The following DNAH10 variants were observed in gnomAD, a reference collection of about 807,000 sequenced individuals.
The protein encoded by DNAH10 is axonemal beta dynein heavy chain 10.
In DNAH10, 348 loss-of-function variants were observed where a neutral mutation model predicts 506.6. The observed-to-expected ratio is 0.69, with a 90% CI of 0.63 to 0.75. The LOEUF is 0.75. Ranked by LOEUF, DNAH10 falls within the 30% of genes least tolerant of loss-of-function variation. DNAH10 has a pLI of 0.00. For synonymous variants in DNAH10, 2,059 were observed against 2,198.6 expected (o/e 0.94, Z 1.78); for missense variants, 5,179 against 5,787.1 (o/e 0.89, Z 3.41).
chr12:123,874,813 G>T (rs1195872728), intron 46 of DNAH10, among the ~76,000 whole-genome samples: 2 of 151,888 alleles, frequency 1.3e-5, no homozygotes, highest in East Asian at 3.9e-4. Flanking sequence ...GTGTGGACAG[G>T]CATATCACAC....
At chr12:123,828,267 G>A (rs553078492) in intron 25 of DNAH10, among the ~76,000 whole-genome samples, 4 of 152,106 alleles carry the variant, frequency 2.6e-5, no homozygotes, top group African/African-American at 9.6e-5. Context: ...CCTGGGGAGG[G>A]ACTGAGGACA....
intron 65 of DNAH10, 108 bp from the exon 66 acceptor site, chr12:123,923,655 A>G (rs1954821819): frequency 1.5e-6 from 1 of 680,910 alleles, no homozygotes; most frequent in South Asian, 2.0e-5. Context: ...GCAGCCATAC[A>G]GTTCGAGTGT....
chr12:123,765,656 CATCT>C (rs1272323979), intron 1 of DNAH10, among the ~76,000 whole-genome samples: 1 of 151,722 alleles, frequency 6.6e-6, no homozygotes, highest in African/African-American at 2.4e-5. Context: ...CCTACCTATA[CATCT>C]ATCTCTCTCT....
chr12:123,813,211 G>T lies in DNAH10; in HGVS notation c.3192G>T (p.Gln1064His). The T allele has an allele frequency of 1.2e-6, 2 of 1,613,752 alleles. No individual in the cohort carries two copies. The highest frequency in any genetic ancestry group is 8.5e-7 in the Non-Finnish European group (1 of 1,179,768). Residue 1064 changes from glutamine (Q) to histidine (H), a missense_variant, in exon 20 of 79, where the codon CAG (glutamine) becomes CAT (histidine). Transcript: ENST00000673944. ...MNGSCIECPP[Q>H]KGEEEEVVII... is the part of the protein sequence containing the mutation. ...GCAGCTGCATAGAATGCCCACCTCA[G>T]AAGGGGGAGGAAGAGGAAGTTGTTA...
chr12:123,833,723 A>G (rs1212372817), intron 27 of DNAH10, among the ~76,000 whole-genome samples: 1 of 152,164 alleles, frequency 6.6e-6, no homozygotes, highest in East Asian at 1.9e-4. Context: ...TTTTAAAAAA[A>G]TGTCTGTTGA....
chr12:123,794,030 T>G lies in DNAH10; in HGVS notation c.1904T>G (p.Phe635Cys), dbSNP rs1481364699. The change falls in exon 12 of 79, where the codon TTT (phenylalanine) becomes TGT (cysteine). Residue 635 changes from phenylalanine to cysteine, a missense_variant. Transcript: ENST00000673944. ...GCAGCATTTGACATGCTTTTAAAAT[T>G]TAAGCACATTCGTTCACGGGAGGCT... ...AEAAFDMLLK[F>C]KHIRSREAVN... is the part of the protein sequence containing the mutation. 1 of 1,286,910 alleles carries G rather than the reference T, an allele frequency of 7.8e-7. No homozygotes were observed. Among genetic ancestry groups the G allele is most frequent in the South Asian group, 1.2e-5 (1 of 80,208 alleles). 79.7% of individuals were successfully genotyped at this position (1,286,910 alleles called of 1,614,324 possible). A position where few individuals can be genotyped will look rare whatever the true frequency, so the allele number is the denominator to read the frequency against.
chr12:123,790,755 G>T (rs1470173683), intron 11 of DNAH10, among the ~76,000 whole-genome samples: 1 of 152,136 alleles, frequency 6.6e-6, no homozygotes, highest in East Asian at 1.9e-4. Context: ...GAACAAAGAG[G>T]ACAGGAGTGA....
rs1040156511 is a variant in DNAH10, at chr12:123,906,993, T to C, written c.9816-2268T>C. On this transcript the variant is annotated intron_variant, in intron 57 of 78. Coordinates refer to ENST00000673944, the MANE Select transcript of DNAH10 (RefSeq NM_001372106.1). Reference sequence around the variant, plus strand: ...TTGAGTTTCACTTTTCTTCCTTTCATTCATTCAGTAGTCAGTGGGTGTCTG... The same window carrying C: ...TTGAGTTTCACTTTTCTTCCTTTCACTCATTCAGTAGTCAGTGGGTGTCTG... Among the ~76,000 whole-genome samples the C allele has an allele frequency of 2.0e-4, 31 of 152,338 alleles. 1 individual carries two copies. The highest frequency in any genetic ancestry group is 3.4e-3 in the Middle Eastern group (1 of 294).
intron 59 of DNAH10, 25 bp downstream of exon 59, chr12:123,910,697 A>G: frequency 1.2e-6 from 2 of 1,610,948 alleles, no homozygotes; most frequent in Non-Finnish European, 8.5e-7. Context: ...TAAGACTGCC[A>G]CACCACTGCC....
intron 52 of DNAH10, among the ~76,000 whole-genome samples, chr12:123,888,361 T>A (rs1477782678): frequency 6.6e-6 from 1 of 152,176 alleles, no homozygotes; most frequent in East Asian, 1.9e-4. Flanking sequence ...CCCTGGATCT[T>A]GAGAACGAGA....
intron 54 of DNAH10, among the ~76,000 whole-genome samples, chr12:123,896,719 G>GAAAA (rs60387471): frequency 6.5e-5 from 6 of 92,076 alleles, no homozygotes; most frequent in Admixed American, 1.2e-4. Flanking sequence ...CCTGTCTCAA[G>GAAAA]AAAAAAAAAA....
In DNAH10 at chr12:123,813,735, T is replaced by G; in HGVS notation, c.3622-19T>G. 6.2e-7 allele frequency: 1 copy of G among 1,613,304 alleles called. No homozygotes were observed. Among genetic ancestry groups the G allele is most frequent in the Non-Finnish European group, 8.5e-7 (1 of 1,179,876 alleles). ...TTTTTTCTGTGTTTGCTTAGTGTTC[T>G]TTGTACTTTCTGTTATAGCACCTGG... On this transcript the variant is annotated intron_variant, in intron 20 of 78. Transcript: ENST00000673944.
intron 1 of DNAH10, among the ~76,000 whole-genome samples, chr12:123,764,929 A>G (rs1321464208): frequency 6.6e-6 from 1 of 151,418 alleles, no homozygotes; most frequent in African/African-American, 2.4e-5. Flanking sequence ...CTCATCCCCA[A>G]CTCCACACGT....
At chr12:123,889,853 T>A (rs2137147116) in intron 52 of DNAH10, among the ~76,000 whole-genome samples, 1 of 152,320 alleles carries the variant, frequency 6.6e-6, no homozygotes, top group African/African-American at 2.4e-5. Flanking sequence ...ACACTCTGTT[T>A]CCCTGTCTCT....
At chr12:123,765,046 GC>G (rs1043754186) in intron 1 of DNAH10, among the ~76,000 whole-genome samples, 4 of 152,012 alleles carry the variant, frequency 2.6e-5, no homozygotes, top group African/African-American at 4.8e-5. Flanking sequence ...CAGAGGACCT[GC>G]AGAGAGCCCA....
At position 123,881,639 on chromosome 12, in the gene DNAH10, G is replaced by C; in HGVS notation, c.8649G>C (p.Glu2883Asp). 6.5e-7 allele frequency: 1 copy of C among 1,535,990 alleles called. No individual in the cohort carries two copies. Among genetic ancestry groups the C allele is most frequent in the South Asian group, 1.2e-5 (1 of 80,496 alleles). The stretch of plus-strand genomic sequence containing the variant: ...TTTAAATGCAGGAAATTCTTGAAGA[G>C]TATAATGAAAGCAACACCAAAATGA... ...AKALFQEILE[E>D]YNESNTKMNL... is the part of the protein sequence containing the mutation. Residue 2883 changes from glutamate (E) to aspartate (D), a missense_variant, in exon 51 of 79, where the codon GAG (glutamate) becomes GAC (aspartate). Transcript: ENST00000673944.
intron 54 of DNAH10, among the ~76,000 whole-genome samples, chr12:123,895,596 A>G (rs1211489450): frequency 1.3e-5 from 2 of 152,308 alleles, no homozygotes; most frequent in African/African-American, 4.8e-5. Flanking sequence ...ATGAATCGCT[A>G]TGGCTGTGAT....
intron 41 of DNAH10, among the ~76,000 whole-genome samples, chr12:123,867,254 G>T (rs59689888): frequency 0.033 from 5,001 of 152,134 alleles, 247 homozygotes; most frequent in African/African-American, 0.1. Flanking sequence ...CTGTGGCAGC[G>T]AAATGAAACA....
rs530002383 is a variant in DNAH10 at position 123,902,861 on chromosome 12, G to A, written c.9641-78G>A. ...GGGCTCAAGCCAACCTTTGAGGACTGCACTCTGCTCAGAGCCGGGGCCGCG... is the reference window on the plus strand; with the variant it reads ...GGGCTCAAGCCAACCTTTGAGGACTACACTCTGCTCAGAGCCGGGGCCGCG... On this transcript the variant is annotated intron_variant, in intron 56 of 78. Transcript: ENST00000673944. This position sits in a 1 kb window ranked among gnomAD's most constrained non-coding sequence, Gnocchi z 4.5. The A allele has an allele frequency of 1.4e-6, 2 of 1,475,732 alleles. No homozygotes were observed. The highest frequency in any genetic ancestry group is 2.5e-5 in the East Asian group (1 of 40,232). The allele number at this position is 1,475,732 out of a possible 1,614,324, so 91.4% of individuals were successfully genotyped here. A position where few individuals can be genotyped will look rare whatever the true frequency, so the allele number is the denominator to read the frequency against.
Sources: allele counts gnomAD v4.1 joint callset (sites outside exome capture counted in the v4.1 genomes callset), GRCh38; gene constraint gnomAD v4.1.1; non-coding constraint Gnocchi (gnomAD v3.1); transcripts MANE v1.5; gene names NCBI Gene and HGNC (gene_info 2026-07-23, HGNC 2026-07-21).